SENP2: variants seen among roughly 807,000 people sequenced by gnomAD.
SENP2 encodes the protein SUMO specific peptidase 2.
In SENP2, 16 loss-of-function variants were observed where a neutral mutation model predicts 86.3. That is an observed-to-expected ratio of 0.19 (90% CI 0.13 to 0.28). SENP2 has a LOEUF of 0.28. SENP2 is among the 10% of genes least tolerant of loss of function. The probability of loss-of-function intolerance (pLI) is 1.00; values close to 1 mark genes in which losing one functional copy is unlikely to be tolerated. For missense variants in SENP2, 552 were observed against 703.0 expected, an observed-to-expected ratio of 0.79 and a Z score of 2.43; for synonymous variants, 222 against 238.7, an observed-to-expected ratio of 0.93 and a Z score of 0.64.
At chr3:185,604,748 TA>T (rs1252314941) in intron 5 of SENP2, among the ~76,000 whole-genome samples, 4 of 152,022 alleles carry the variant, frequency 2.6e-5, no homozygotes, top group African/African-American at 9.7e-5. Flanking sequence ...TGAGTCTGTT[TA>T]TTTTTTTTCT....
intron 13 of SENP2, 107 bp downstream of exon 13, chr3:185,619,609 T>A (rs777347650): frequency 1.3e-6 from 1 of 761,242 alleles, no homozygotes; most frequent in Non-Finnish European, 2.1e-6. Flanking sequence ...TAGTATATAT[T>A]ATAAGCATAC....
intron 9 of SENP2, 41 bp downstream of exon 9, chr3:185,612,699 T>C: frequency 7.1e-7 from 1 of 1,403,600 alleles, no homozygotes; most frequent in Non-Finnish European, 1.0e-6. Context: ...TTTTAATATA[T>C]ATTTTCTTAC....
chr3:185,621,386 C>CTTTTTTTTTTTTT (rs1220771289), intron 13 of SENP2, among the ~76,000 whole-genome samples: 11 of 78,776 alleles, frequency 1.4e-4, no homozygotes, highest in Non-Finnish European at 2.1e-4. Flanking sequence ...TCTTTTTTTT[C>CTTTTTTTTTTTTT]TTTTTTTTTT....
intron 2 of SENP2, among the ~76,000 whole-genome samples, chr3:185,597,574 G>T (rs1472787064): frequency 6.6e-6 from 1 of 151,188 alleles, no homozygotes; most frequent in Non-Finnish European, 1.5e-5. Context: ...GGATGTTCTC[G>T]ATCTCCTGAC....
chr3:185,606,814 C>T (rs570452199), intron 6 of SENP2: 139 of 513,904 alleles, frequency 2.7e-4, no homozygotes, highest in Admixed American at 4.6e-4. Context: ...TGTTGCTTAT[C>T]GAGGAGCAGA....
At chr3:185,591,948 C>CTGAAAA (rs1722012503) in intron 2 of SENP2, among the ~76,000 whole-genome samples, 1 of 145,112 alleles carries the variant, frequency 6.9e-6, no homozygotes, top group Non-Finnish European at 1.5e-5. Flanking sequence ...ATTGTCCAGG[C>CTGAAAA]TGAAAATAGG....
intron 1 of SENP2, among the ~76,000 whole-genome samples, chr3:185,587,040 G>T (rs1192810178): frequency 6.6e-6 from 1 of 152,176 alleles, no homozygotes; most frequent in Non-Finnish European, 1.5e-5. Flanking sequence ...GAGTAAAAAG[G>T]CTTAGGTGCC....
At chr3:185,602,146 T>C (rs1467860709) in intron 5 of SENP2, among the ~76,000 whole-genome samples, 1 of 152,190 alleles carries the variant, frequency 6.6e-6, no homozygotes, top group African/African-American at 2.4e-5. Context: ...GTTTATGCCG[T>C]CTCCCTCCAT....
At chr3:185,624,794 G>A (rs529924944) in intron 15 of SENP2, among the ~76,000 whole-genome samples, 286 of 151,352 alleles carry the variant, frequency 1.9e-3, no homozygotes, top group Non-Finnish European at 3.3e-3. Context: ...CTTGAACCCG[G>A]TAGGCAGAGG....
chr3:185,628,557 A>C (rs1182002730), intron 16 of SENP2, among the ~76,000 whole-genome samples: 2 of 152,090 alleles, frequency 1.3e-5, no homozygotes, highest in Non-Finnish European at 2.9e-5. Flanking sequence ...CCCAGGCTGG[A>C]GTGCAATGGC....
chr3:185,609,873 A>G (rs920211312), intron 7 of SENP2, among the ~76,000 whole-genome samples: 1 of 152,140 alleles, frequency 6.6e-6, no homozygotes, highest in African/African-American at 2.4e-5. Context: ...CACATTTGGA[A>G]ACCCACTAGA....
At chr3:185,600,732 C>A in intron 4 of SENP2, 33 bp from the exon 5 acceptor site, 1 of 1,416,570 alleles carries the variant, frequency 7.1e-7, no homozygotes, top group South Asian at 1.2e-5. Context: ...AGTGATTTTT[C>A]ATTTTACAAT....
At position 185,633,204 on chromosome 3, in the gene SENP2, T is replaced by C. The variant is rs186901912; in HGVS notation, c.*3360T>C. ...TGGGTGTGGGCGGAATGTATCCTAG[T>C]AGAAACAGTGAACCTCAGATATGAA... On this transcript the variant is annotated 3_prime_UTR_variant, in exon 17 of 17. Transcript: ENST00000296257. 1.7e-4 allele frequency: 26 copies of C among 152,300 alleles called. No individual in the cohort carries two copies. Among genetic ancestry groups the C allele is most frequent in the African/African-American group, 5.8e-4 (24 of 41,556 alleles). The allele number at this position is 152,300 out of a possible 1,614,324, so 9.4% of individuals were successfully genotyped here.
At chr3:185,609,417 T>A in intron 7 of SENP2, 67 bp downstream of exon 7, 1 of 1,180,594 alleles carries the variant, frequency 8.5e-7, no homozygotes, top group Non-Finnish European at 1.3e-6. Context: ...GGAGAAAGTA[T>A]TGGTGGGAAG....
intron 2 of SENP2, among the ~76,000 whole-genome samples, chr3:185,590,969 A>G (rs1391531457): frequency 8.3e-6 from 1 of 120,204 alleles, no homozygotes; most frequent in Non-Finnish European, 1.7e-5. Flanking sequence ...CAGTGGCGCA[A>G]TCTCGGCTCA....
At chr3:185,600,737 TACAA>T in intron 4 of SENP2, 24 bp from the exon 5 acceptor site, 1 of 1,447,960 alleles carries the variant, frequency 6.9e-7, no homozygotes, top group South Asian at 1.2e-5. Context: ...TTTTTCATTT[TACAA>T]TTACAAATGC....
chr3:185,587,107 GA>G (rs367821900), intron 1 of SENP2, among the ~76,000 whole-genome samples: 176 of 152,236 alleles, frequency 1.2e-3, no homozygotes, highest in African/African-American at 3.9e-3. Context: ...AAATTTGGGG[GA>G]AACGCAAAGC....
intron 1 of SENP2, among the ~76,000 whole-genome samples, chr3:185,587,430 GC>G (rs1721821595): frequency 6.6e-6 from 1 of 152,134 alleles, no homozygotes; most frequent in Non-Finnish European, 1.5e-5. Context: ...ACTGCACTCA[GC>G]CCCAAAAGCT....
intron 11 of SENP2, among the ~76,000 whole-genome samples, chr3:185,615,369 G>A (rs1711559247): frequency 6.6e-6 from 1 of 152,128 alleles, no homozygotes; most frequent in Admixed American, 6.5e-5. Context: ...TTGAGACAGA[G>A]TTTCGCTCTT....
Sources: gnomAD v4.1 joint callset for allele counts (sites outside exome capture counted in the v4.1 genomes callset) on GRCh38, gnomAD v4.1.1 for gene constraint, MANE v1.5 for transcripts, NCBI Gene and HGNC (gene_info 2026-07-23, HGNC 2026-07-21) for gene names.